Variants in LCA5L observed in about 807,000 individuals in gnomAD.
LCA5L encodes lebercilin LCA5 like, also known as lebercilin-like protein.
Under a neutral mutation model 45.4 loss-of-function variants are expected in LCA5L, and 35 were observed. That is an observed-to-expected ratio of 0.77 (90% CI 0.59 to 1.02). LCA5L has a LOEUF of 1.02. Ranked by LOEUF, LCA5L falls within the 50% of genes least tolerant of loss-of-function variation. The pLI, the probability that LCA5L is intolerant of heterozygous loss-of-function variation, is 0.00. For synonymous variants in LCA5L, 233 were observed against 264.7 expected (o/e 0.88, Z 1.16); for missense variants, 668 against 761.6 (o/e 0.88, Z 1.45).
chr21:39,409,980 T>C lies in LCA5L; in HGVS notation c.1281A>G (p.Glu427=), dbSNP rs1262858616. The change falls in exon 10 of 11, where the codon GAA becomes GAG. Residue 427 remains glutamate, a splice_region_variant and synonymous_variant. Coordinates refer to ENST00000288350, the MANE Select transcript of LCA5L (RefSeq NM_152505.4). The surrounding 1 kb of genome is among the most constrained non-coding windows in gnomAD (Gnocchi z 4.2). ...PKQEDSKRKY[E]DLSGEEKHLE... ...TAGACTTTAAAGAGTTAAAATTACC[T>C]TCATATTTTCTCTTAGAATCCTCTT... is the stretch of plus-strand genomic sequence containing the variant. The C allele has an allele frequency of 1.4e-6, 2 of 1,471,742 alleles. No individual in the cohort carries two copies. The highest frequency in any genetic ancestry group is 4.5e-5 in the East Asian group (2 of 44,206). The allele number at this position is 1,471,742 out of a possible 1,614,324, so 91.2% of individuals were successfully genotyped here.
intron 3 of LCA5L, among the ~76,000 whole-genome samples, chr21:39,432,702 GTTTT>G (rs886627253): frequency 2.6e-5 from 4 of 151,892 alleles, no homozygotes; most frequent in Admixed American, 2.0e-4. Flanking sequence ...GGCAAACCCT[GTTTT>G]TTTGTCACTA....
intron 8 of LCA5L, 66 bp from the exon 9 acceptor site, chr21:39,410,433 CAT>C (rs1310021735): frequency 2.0e-5 from 17 of 833,804 alleles, no homozygotes; most frequent in African/African-American, 5.2e-5. Context: ...TGATTTTAAA[CAT>C]AAAATAACTT....
rs1332029852 is a variant in LCA5L at position 39,420,889 on chromosome 21, G to A, written c.838-46C>T. 2.0e-6 allele frequency: 3 copies of A among 1,469,566 alleles called. No homozygotes were observed. In the African/African-American group the frequency reaches 4.2e-5, roughly 21 times the overall value. The allele number at this position is 1,469,566 out of a possible 1,614,324, so 91.0% of individuals were successfully genotyped here. The stretch of plus-strand genomic sequence containing the variant: ...AACTATTCTGCAACCAAGTTAGTAT[G>A]TTAAAAACTTCAATTATCATGGAAC... On this transcript the variant is annotated intron_variant, in intron 6 of 10. Coordinates refer to ENST00000288350, the MANE Select transcript of LCA5L (RefSeq NM_152505.4).
At chr21:39,419,359 T>C (rs1321994588) in intron 7 of LCA5L, among the ~76,000 whole-genome samples, 1 of 151,816 alleles carries the variant, frequency 6.6e-6, no homozygotes, top group African/African-American at 2.4e-5. Context: ...ACCCCGTCTC[T>C]ACAAAAATTT....
intron 5 of LCA5L, among the ~76,000 whole-genome samples, chr21:39,423,735 C>T (rs2074137169): frequency 6.6e-6 from 1 of 152,156 alleles, no homozygotes; most frequent in Admixed American, 6.5e-5. Context: ...TATTTTATAG[C>T]TGGAGATTTT....
intron 10 of LCA5L, chr21:39,408,764 G>GCCAGATGCCATGGATCTGAGGGTTTT (rs1230831104): frequency 6.6e-6 from 1 of 152,268 alleles, no homozygotes; most frequent in East Asian, 1.9e-4. Context: ...GAAGAGCTCT[G>GCCAGATGCCATGGATCTGAGGGTTTT]CCAGATGCCA....
intron 2 of LCA5L, among the ~76,000 whole-genome samples, chr21:39,436,964 C>T (rs1389297512): frequency 6.6e-6 from 1 of 152,188 alleles, no homozygotes; most frequent in South Asian, 2.1e-4. Flanking sequence ...CTGTTTGTAG[C>T]CTGGCTTCCC....
At chr21:39,432,340 G>A (rs2075819264) in intron 3 of LCA5L, among the ~76,000 whole-genome samples, 5 of 152,096 alleles carry the variant, frequency 3.3e-5, no homozygotes, top group Admixed American at 3.3e-4. Flanking sequence ...AAGAAAAACT[G>A]GGACCAGATG....
At chr21:39,412,174 G>A (rs751792701) in intron 7 of LCA5L, among the ~76,000 whole-genome samples, 12 of 152,064 alleles carry the variant, frequency 7.9e-5, no homozygotes, top group Non-Finnish European at 1.6e-4. Context: ...AATTTAGGTC[G>A]TCAGCCACAC....
At position 39,411,793 on chromosome 21, in the gene LCA5L, G is replaced by T; in HGVS notation, c.985C>A (p.Arg329Ser). The T allele has an allele frequency of 1.3e-6, 2 of 1,580,644 alleles. No individual in the cohort carries two copies. The highest frequency in any genetic ancestry group is 1.2e-5 in the South Asian group (1 of 85,246). The change falls in exon 8 of 11, where the codon CGT becomes AGT. Residue 329 changes from arginine to serine, a missense_variant. By Grantham distance (110) the Arg-to-Ser change is moderately radical (BLOSUM62 -1). Coordinates refer to ENST00000288350, the MANE Select transcript of LCA5L (RefSeq NM_152505.4). ...HLQQKLKEKD[R>S]ELEIKNIYSH... ...TAGATGTTTTTAATTTCAAGCTCAC[G>T]ATCCTTTTCCTAAAAAGAACCACAA...
Position 39,406,056 on chromosome 21 carries a change from T to G in LCA5L, c.1839A>C (p.Gln613His). 1 of 1,614,174 alleles carries G rather than the reference T, an allele frequency of 6.2e-7. No individual in the cohort carries two copies. The highest frequency in any genetic ancestry group is 8.5e-7 in the Non-Finnish European group (1 of 1,180,012). The change falls in exon 11 of 11, where the codon CAA (glutamine) becomes CAC (histidine). Residue 613 changes from glutamine (Q) to histidine (H), a missense_variant. Gln to His is a conservative substitution (Grantham distance 24). Coordinates refer to ENST00000288350, the MANE Select transcript of LCA5L (RefSeq NM_152505.4). ...FGSGYVLKTDQSSPGVAKGSE... is the reference protein window; with the variant it reads ...FGSGYVLKTDHSSPGVAKGSE... The stretch of plus-strand genomic sequence containing the variant: ...AGCCTTTTGCAACACCAGGACTTGA[T>G]TGGTCAGTTTTCAAGACATAGCCTG...
chr21:39,425,507 A>T (rs2074513569), intron 5 of LCA5L, among the ~76,000 whole-genome samples: 1 of 152,192 alleles, frequency 6.6e-6, no homozygotes, highest in South Asian at 2.1e-4. Context: ...AGTATTTTAG[A>T]ATAGGCTTCT....
rs371207364 is a variant in LCA5L, at chr21:39,418,267, G to A, written c.975+2439C>T. ...ACCATATCAAGGATATTACAGTTTC[G>A]TTTGCCTTCCTTTCTTCACTTACCA... On this transcript the variant is annotated intron_variant, in intron 7 of 10. Transcript: ENST00000288350. Among the ~76,000 whole-genome samples, 27 of 152,196 alleles carry A rather than the reference G, an allele frequency of 1.8e-4. 1 individual carries two copies. In the East Asian group the frequency reaches 4.1e-3, roughly 23 times the overall value.
At chr21:39,418,225 G>A (rs2041640328) in intron 7 of LCA5L, among the ~76,000 whole-genome samples, 1 of 152,122 alleles carries the variant, frequency 6.6e-6, no homozygotes, top group South Asian at 2.1e-4. Context: ...ATGAGATTTG[G>A]GTGGGGACAC....
At position 39,438,506 on chromosome 21, in the gene LCA5L, T is replaced by C. The variant is rs1418692124; in HGVS notation, c.-245-2933A>G. Among the ~76,000 whole-genome samples the C allele has an allele frequency of 5.3e-5, 8 of 152,148 alleles. No individual in the cohort carries two copies. In the East Asian group the frequency reaches 1.5e-3, roughly 29 times the overall value. ...AAAATAATAAAGTTCAAAGGCATCT[T>C]ACAAACTGGAAAAAAGATTTTCAAT... On this transcript the variant is annotated intron_variant, in intron 2 of 10. Coordinates refer to ENST00000288350, the MANE Select transcript of LCA5L (RefSeq NM_152505.4).
At chr21:39,418,056 G>A (rs769874714) in intron 7 of LCA5L, among the ~76,000 whole-genome samples, 18 of 151,916 alleles carry the variant, frequency 1.2e-4, no homozygotes, top group Non-Finnish European at 2.2e-4. Context: ...GTGAGCCACC[G>A]CGCCCAGCGG....
intron 10 of LCA5L, 160 bp from the exon 11 acceptor site, chr21:39,406,772 G>C: frequency 1.7e-6 from 1 of 577,232 alleles, no homozygotes; most frequent in Non-Finnish European, 3.0e-6. Context: ...ACAGAGAAAG[G>C]TGCTATTAAC....
At chr21:39,419,370 T>A (rs950706559) in intron 7 of LCA5L, among the ~76,000 whole-genome samples, 1 of 151,644 alleles carries the variant, frequency 6.6e-6, no homozygotes, top group African/African-American at 2.4e-5. Flanking sequence ...ACAAAAATTT[T>A]AAAAATTAGC....
At chr21:39,416,386 G>A (rs1181801326) in intron 7 of LCA5L, among the ~76,000 whole-genome samples, 1 of 152,156 alleles carries the variant, frequency 6.6e-6, no homozygotes, top group Admixed American at 6.5e-5. Context: ...TTCTAGATGG[G>A]CCTGAGTCCT....
Sources: gnomAD v4.1 joint callset for allele counts (sites outside exome capture counted in the v4.1 genomes callset) on GRCh38, gnomAD v4.1.1 for gene constraint, Gnocchi (gnomAD v3.1) non-coding constraint, MANE v1.5 for transcripts, NCBI Gene and HGNC (gene_info 2026-07-23, HGNC 2026-07-21) for gene names.